The following CTBP1 variants were observed in gnomAD, a reference collection of about 807,000 sequenced individuals.
CTBP1 encodes the protein C-terminal binding protein 1.
A neutral mutation model predicts 42.1 loss-of-function variants in CTBP1; 11 were observed. That is an observed-to-expected ratio of 0.26 (90% CI 0.16 to 0.43). The LOEUF (loss-of-function observed/expected upper bound fraction) is 0.43. CTBP1 is among the 20% of genes least tolerant of loss of function. The pLI, the probability that CTBP1 is intolerant of heterozygous loss-of-function variation, is 1.00. For synonymous variants in CTBP1, 324 were observed against 277.1 expected (o/e 1.17, Z -1.68); for missense variants, 399 against 624.3 (o/e 0.64, Z 3.85).
rs766839962 is a variant in CTBP1 at position 1,233,219 on chromosome 4, C to T, written c.163-4876G>A. On this transcript the variant is annotated intron_variant, in intron 3 of 9. Transcript: ENST00000382952. The surrounding 1 kb of genome is among the most constrained non-coding windows in gnomAD (Gnocchi z 4.6). ...CAGCAAGAGACCGAGGGGCTCCAGGCCTGTCCTACACTCCATTACCATGAC... is the reference window on the plus strand; with the variant it reads ...CAGCAAGAGACCGAGGGGCTCCAGGTCTGTCCTACACTCCATTACCATGAC... 1 of 152,244 alleles carries T rather than the reference C, an allele frequency of 6.6e-6. No individual in the cohort carries two copies. Among genetic ancestry groups the T allele is most frequent in the African/African-American group, 2.4e-5 (1 of 41,442 alleles). The allele number at this position is 152,244 out of a possible 1,614,324, so 9.4% of individuals were successfully genotyped here. A position where few individuals can be genotyped will look rare whatever the true frequency, so the allele number is the denominator to read the frequency against.
rs866565902 is a variant in CTBP1 at position 1,214,838 on chromosome 4, G to A, written c.730-365C>T. ...TCCCCCACGCAGGGCCTCAGCCCAC[G>A]AGGTGGGACTCCCTGGGACGGCAAA... On this transcript the variant is annotated intron_variant, in intron 6 of 9. Transcript: ENST00000382952. Among the ~76,000 whole-genome samples, 16 of 152,322 alleles carry A rather than the reference G, an allele frequency of 1.1e-4. 1 individual carries two copies. Among genetic ancestry groups the A allele is most frequent in the East Asian group, 1.9e-4 (1 of 5,178 alleles).
intron 1 of CTBP1, chr4:1,243,764 G>T (rs1361082690): frequency 1.0e-6 from 1 of 985,310 alleles, no homozygotes; most frequent in Non-Finnish European, 1.2e-6. Context: ...ACACTCCGAG[G>T]TGAAGGCACA....
chr4:1,241,123 T>C (rs571923632), intron 2 of CTBP1, among the ~76,000 whole-genome samples: 4 of 152,342 alleles, frequency 2.6e-5, no homozygotes, highest in Non-Finnish European at 5.9e-5. Flanking sequence ...AGCTGTGCTC[T>C]GCCACCAGGT....
chr4:1,222,245 G>T (rs2279282), intron 5 of CTBP1, among the ~76,000 whole-genome samples: 1 of 151,916 alleles, frequency 6.6e-6, no homozygotes, highest in Non-Finnish European at 1.5e-5. Flanking sequence ...CTGCAGTCAA[G>T]GGTGCCAGGT....
At chr4:1,214,940 G>T (rs1355477844) in intron 6 of CTBP1, among the ~76,000 whole-genome samples, 2 of 152,286 alleles carry the variant, frequency 1.3e-5, no homozygotes, top group Non-Finnish European at 1.5e-5. Context: ...TCCGTCTTCG[G>T]AACAGGCTCG....
intron 9 of CTBP1, 111 bp from the exon 10 acceptor site, chr4:1,212,534 G>A: frequency 1.0e-6 from 1 of 963,970 alleles, no homozygotes; most frequent in African/African-American, 1.7e-5. Context: ...AGGACCAGCA[G>A]TCAGGGTAAG....
chr4:1,243,810 G>A, intron 1 of CTBP1: 1 of 985,424 alleles, frequency 1.0e-6, no homozygotes, highest in Non-Finnish European at 1.2e-6. Flanking sequence ...CCAAATCCAG[G>A]ACCCACACTG....
rs548499522 is a variant in CTBP1 at position 1,233,542 on chromosome 4, T to G, written c.162+4641A>C. 1.3e-5 allele frequency among the ~76,000 whole-genome samples: 2 copies of G among 152,244 alleles called. No homozygotes were observed. Among genetic ancestry groups the G allele is most frequent in the African/African-American group, 4.8e-5 (2 of 41,562 alleles). ...CCAGGCTCCAGGGCTTCCTTTTTCT[T>G]GCTCAGCAGTTTGATCAGATGTGCA... On this transcript the variant is annotated intron_variant, in intron 3 of 9. Coordinates refer to ENST00000382952, the MANE Select transcript of CTBP1 (RefSeq NM_001012614.2). The surrounding 1 kb of genome is among the most constrained non-coding windows in gnomAD (Gnocchi z 4.6).
At chr4:1,223,349 C>A (rs1352714499) in intron 5 of CTBP1, 3 of 432,576 alleles carry the variant, frequency 6.9e-6, no homozygotes, top group Non-Finnish European at 1.4e-5. Flanking sequence ...ACCAGCAAGA[C>A]CGTGAGAGAC....
At chr4:1,241,625 A>G (rs1365281947) in intron 1 of CTBP1, 106 bp from the exon 2 acceptor site, 2 of 1,411,446 alleles carry the variant, frequency 1.4e-6, no homozygotes, top group Non-Finnish European at 1.9e-6. Flanking sequence ...CATCTGCCAC[A>G]CCCGGGACTG....
At chr4:1,213,810 G>A (rs1012367968) in intron 7 of CTBP1, 2 of 591,166 alleles carry the variant, frequency 3.4e-6, no homozygotes, top group Non-Finnish European at 2.8e-6. Context: ...ACAGCGGCGG[G>A]TGTGGGAGCC....
intron 5 of CTBP1, among the ~76,000 whole-genome samples, chr4:1,224,692 A>C (rs1175242860): frequency 6.7e-6 from 1 of 148,454 alleles, no homozygotes; most frequent in Non-Finnish European, 1.5e-5. Flanking sequence ...GGCCAGTGTG[A>C]GACCCATGGG....
rs1253190983 is a variant in CTBP1 at position 1,213,561 on chromosome 4, G to T, written c.905C>A (p.Thr302Asn). ...PLKDAPNLIC[T>N]PHAAWYSEQA... ...CTCGCTGTACCATGCAGCATGGGGGGTGCAGATGAGGTTGGGTGCATCCTT... is the reference window on the plus strand; with the variant it reads ...CTCGCTGTACCATGCAGCATGGGGGTTGCAGATGAGGTTGGGTGCATCCTT... The change falls in exon 8 of 10, where the codon ACC (threonine) becomes AAC (asparagine). Residue 302 changes from threonine to asparagine, a missense_variant. By Grantham distance (65) the Thr-to-Asn change is moderately conservative. Coordinates refer to ENST00000382952, the MANE Select transcript of CTBP1 (RefSeq NM_001012614.2). 1.2e-6 allele frequency: 2 copies of T among 1,613,328 alleles called. No homozygotes were observed. Among genetic ancestry groups the T allele is most frequent in the Non-Finnish European group, 1.7e-6 (2 of 1,179,928 alleles).
Position 1,238,603 on chromosome 4 carries a change from T to TCCCCTCCGAGACCCTCCAAGG in CTBP1, c.8-287_8-267dup, listed in dbSNP as rs1185429789. Among the ~76,000 whole-genome samples, 9 of 147,612 alleles carry TCCCCTCCGAGACCCTCCAAGG rather than the reference T, an allele frequency of 6.1e-5. No homozygotes were observed. The highest frequency in any genetic ancestry group is 9.0e-5 in the Non-Finnish European group (6 of 66,632). On this transcript the variant is annotated intron_variant, in intron 2 of 9. Transcript: ENST00000382952. The surrounding 1 kb of genome is among the most constrained non-coding windows in gnomAD (Gnocchi z 5.9). ...CACAGGACCTCCGAGACCCTCCAAG[T>TCCCCTCCGAGACCCTCCAAGG]CCCCTCCGAGACCCTCCAAGGCCCC...
intron 4 of CTBP1, among the ~76,000 whole-genome samples, chr4:1,227,554 G>A (rs1730498994): frequency 6.6e-6 from 1 of 151,374 alleles, no homozygotes; most frequent in Non-Finnish European, 1.5e-5. Context: ...GGCTGCAGAT[G>A]TGCGTGTTCT....
At chr4:1,242,470 T>C in intron 1 of CTBP1, 3 of 985,088 alleles carry the variant, frequency 3.0e-6, no homozygotes, top group Non-Finnish European at 3.6e-6. Context: ...CCTGGTAGTG[T>C]GCTGTGAGGC....
intron 5 of CTBP1, among the ~76,000 whole-genome samples, chr4:1,223,068 C>A (rs939253473): frequency 1.5e-5 from 1 of 66,248 alleles, no homozygotes; most frequent in Admixed American, 1.2e-4. Context: ...CTGGAGACAG[C>A]GGAGGCACCG....
intron 5 of CTBP1, among the ~76,000 whole-genome samples, chr4:1,222,312 G>C (rs1172506092): frequency 3.9e-5 from 6 of 152,130 alleles, no homozygotes; most frequent in Admixed American, 3.9e-4. Context: ...CAGCGTCAGG[G>C]GGCTCGTGTC....
chr4:1,237,979 C>G (rs1577067736), intron 3 of CTBP1: 3 of 743,580 alleles, frequency 4.0e-6, no homozygotes, highest in Middle Eastern at 2.2e-4. Context: ...TGATGGGGCT[C>G]AGGGCAAACC....
Sources: allele counts gnomAD v4.1 joint callset (sites outside exome capture counted in the v4.1 genomes callset), GRCh38; gene constraint gnomAD v4.1.1; non-coding constraint Gnocchi (gnomAD v3.1); transcripts MANE v1.5; gene names NCBI Gene and HGNC (gene_info 2026-07-23, HGNC 2026-07-21).